ZRANB3: variants seen among roughly 807,000 people sequenced by gnomAD.
The protein encoded by ZRANB3 is zinc finger RANBP2-type containing 3, also known as DNA annealing helicase and endonuclease ZRANB3.
ZRANB3 carries 125 observed loss-of-function variants against 133.8 expected under a neutral mutation model. That is an observed-to-expected ratio of 0.93 (90% CI 0.81 to 1.08). The LOEUF (loss-of-function observed/expected upper bound fraction) is 1.08, where lower values mean the gene tolerates loss of function less well. ZRANB3 is among the 50% of genes least tolerant of loss of function. ZRANB3 has a pLI of 0.00. For synonymous variants in ZRANB3, 387 were observed against 432.7 expected (o/e 0.89, Z 1.31); for missense variants, 1,229 against 1,275.5 (o/e 0.96, Z 0.56).
At chr2:135,316,539 C>G (rs1037346749) in intron 6 of ZRANB3, among the ~76,000 whole-genome samples, 1 of 152,028 alleles carries the variant, frequency 6.6e-6, no homozygotes, top group Non-Finnish European at 1.5e-5. Flanking sequence ...ATTTAAGTAA[C>G]TATCATTTTA....
chr2:135,431,185 G>A (rs978355542), intron 2 of ZRANB3, among the ~76,000 whole-genome samples: 5 of 151,356 alleles, frequency 3.3e-5, no homozygotes, highest in African/African-American at 9.7e-5. Flanking sequence ...CCAGCTACTC[G>A]GGAGGCTCAA....
At position 135,271,787 on chromosome 2, in the gene ZRANB3, C is replaced by T; in HGVS notation, c.1187G>A (p.Ser396Asn). 6.2e-7 allele frequency: 1 copy of T among 1,613,152 alleles called. No homozygotes were observed. The highest frequency in any genetic ancestry group is 1.1e-5 in the South Asian group (1 of 90,776). Residue 396 changes from serine to asparagine, a missense_variant, in exon 10 of 21, where the codon AGC (serine) becomes AAC (asparagine). Transcript: ENST00000264159. ...KDPDTRVAIL[S>N]IQAAGQGLTF... ...TCTTACCTGGCCAGCAGCCTGAATG[C>T]TTAGGATAGCCACGCGAGTGTCAGG...
intron 2 of ZRANB3, among the ~76,000 whole-genome samples, chr2:135,475,673 T>A (rs1170602881): frequency 6.6e-6 from 1 of 152,260 alleles, no homozygotes; most frequent in Non-Finnish European, 1.5e-5. Flanking sequence ...GGCCAAGTTT[T>A]AAAGTTATTT....
chr2:135,393,551 C>A (rs1033995296), intron 2 of ZRANB3, among the ~76,000 whole-genome samples: 3 of 151,826 alleles, frequency 2.0e-5, no homozygotes, highest in African/African-American at 7.3e-5. Flanking sequence ...AGAAAAAGCA[C>A]CAGATGGAGG....
At chr2:135,422,147 C>CT (rs1038941283) in intron 2 of ZRANB3, among the ~76,000 whole-genome samples, 6 of 151,994 alleles carry the variant, frequency 3.9e-5, no homozygotes, top group African/African-American at 9.7e-5. Context: ...TCTATTCTAT[C>CT]TTTTTTTAAT....
chr2:135,338,245 T>G (rs899968756), intron 6 of ZRANB3, among the ~76,000 whole-genome samples: 1 of 152,224 alleles, frequency 6.6e-6, no homozygotes, highest in Non-Finnish European at 1.5e-5. Flanking sequence ...AGGTGCCGTG[T>G]TAGCCATTGG....
At chr2:135,303,329 C>CTATG (rs1682532678) in intron 8 of ZRANB3, among the ~76,000 whole-genome samples, 2 of 152,056 alleles carry the variant, frequency 1.3e-5, no homozygotes, top group Admixed American at 1.3e-4. Context: ...ATGTATGCTC[C>CTATG]TAAGAATTTT....
chr2:135,296,151 T>C (rs1005928904), intron 8 of ZRANB3, among the ~76,000 whole-genome samples: 1 of 152,236 alleles, frequency 6.6e-6, no homozygotes, highest in Non-Finnish European at 1.5e-5. Flanking sequence ...GAAGTTCTCC[T>C]GGATAATATC....
chr2:135,528,844 A>T (rs1694270488), intron 1 of ZRANB3, among the ~76,000 whole-genome samples: 1 of 148,996 alleles, frequency 6.7e-6, no homozygotes, highest in Admixed American at 6.7e-5. Flanking sequence ...TACAAACATC[A>T]CTCGTTAGTA....
At chr2:135,470,301 G>A (rs1691199088) in intron 2 of ZRANB3, among the ~76,000 whole-genome samples, 1 of 151,670 alleles carries the variant, frequency 6.6e-6, no homozygotes, top group African/African-American at 2.4e-5. Flanking sequence ...TCCAACCTGG[G>A]TGACAGAGTG....
At chr2:135,486,451 G>A (rs1307655852) in intron 2 of ZRANB3, among the ~76,000 whole-genome samples, 2 of 151,826 alleles carry the variant, frequency 1.3e-5, no homozygotes, top group African/African-American at 4.8e-5. Flanking sequence ...CACATCTTCA[G>A]GCTCTACTTC....
chr2:135,423,045 T>C (rs1281197282), intron 2 of ZRANB3, among the ~76,000 whole-genome samples: 1 of 152,220 alleles, frequency 6.6e-6, no homozygotes, highest in Non-Finnish European at 1.5e-5. Flanking sequence ...GGTGGATGCC[T>C]GGAATCCTTG....
At position 135,295,124 on chromosome 2, in the gene ZRANB3, A is replaced by T. The variant is rs1400085679; in HGVS notation, c.966+18365T>A. 1.5e-4 allele frequency among the ~76,000 whole-genome samples: 23 copies of T among 151,704 alleles called. 1 individual carries two copies. The East Asian group carries it at 3.9e-3, about 26-fold the overall frequency. On this transcript the variant is annotated intron_variant, in intron 8 of 20. Coordinates refer to ENST00000264159, the MANE Select transcript of ZRANB3 (RefSeq NM_032143.4). ...GATGTCTATTAGGTCCACTTGGTGC[A>T]GAGCTGGGGTTAACTTTCTGTCGCG...
At chr2:135,455,142 A>G (rs1040509053) in intron 2 of ZRANB3, among the ~76,000 whole-genome samples, 41 of 141,052 alleles carry the variant, frequency 2.9e-4, no homozygotes, top group Admixed American at 5.8e-4. Flanking sequence ...GTGCCTGGCC[A>G]CTGAATGGGA....
chr2:135,298,428 T>C (rs1682264931), intron 8 of ZRANB3, among the ~76,000 whole-genome samples: 1 of 152,130 alleles, frequency 6.6e-6, no homozygotes, highest in Non-Finnish European at 1.5e-5. Flanking sequence ...TTTTTCTGGT[T>C]CCTTCTCATT....
chr2:135,215,950 T>C (rs1463330482), intron 17 of ZRANB3, among the ~76,000 whole-genome samples: 5 of 152,116 alleles, frequency 3.3e-5, no homozygotes, highest in Non-Finnish European at 5.9e-5. Flanking sequence ...ACTACCATCC[T>C]ACGGGACCAA....
At chr2:135,409,105 T>C (rs981417838) in intron 2 of ZRANB3, among the ~76,000 whole-genome samples, 6 of 152,106 alleles carry the variant, frequency 3.9e-5, no homozygotes, top group Non-Finnish European at 7.4e-5. Context: ...ACAGGAAACT[T>C]ACAATCATAG....
chr2:135,487,193 G>C lies in ZRANB3; in HGVS notation c.161+17136C>G, dbSNP rs145085989. On this transcript the variant is annotated intron_variant, in intron 2 of 20. Transcript: ENST00000264159. The stretch of plus-strand genomic sequence containing the variant: ...TCAATGAGCAATAATATTTTGAAAG[G>C]AATCTTTTTTCTCAGCAGTAGGTCT... Among the ~76,000 whole-genome samples, 5 of 152,304 alleles carry C rather than the reference G, an allele frequency of 3.3e-5. No individual in the cohort carries two copies. The East Asian group carries it at 9.7e-4, about 29-fold the overall frequency.
intron 2 of ZRANB3, among the ~76,000 whole-genome samples, chr2:135,391,891 T>C (rs1687252969): frequency 6.6e-6 from 1 of 152,218 alleles, no homozygotes; most frequent in South Asian, 2.1e-4. Flanking sequence ...TGAGTTTTTA[T>C]TTCTATTACT....
Sources: allele counts gnomAD v4.1 joint callset (sites outside exome capture counted in the v4.1 genomes callset), GRCh38; gene constraint gnomAD v4.1.1; transcripts MANE v1.5; gene names NCBI Gene and HGNC (gene_info 2026-07-23, HGNC 2026-07-21).